ZEB2: variants seen among roughly 807,000 people sequenced by gnomAD.
ZEB2 encodes zinc finger E-box binding homeobox 2.
In ZEB2, 6 loss-of-function variants were observed where a neutral mutation model predicts 99.9. The observed-to-expected ratio is 0.06, with a 90% CI of 0.03 to 0.12. The LOEUF (loss-of-function observed/expected upper bound fraction) is 0.12. Among genes scored for constraint, ZEB2 ranks in the 10% least tolerant of loss-of-function variants. The pLI, the probability that ZEB2 is intolerant of heterozygous loss-of-function variation, is 1.00. For synonymous variants in ZEB2, 517 were observed against 542.5 expected (o/e 0.95, Z 0.65); for missense variants, 969 against 1,502.8 (o/e 0.64, Z 5.87).
intron 2 of ZEB2, chr2:144,516,340 G>C (rs1316893283): frequency 5.3e-5 from 8 of 150,922 alleles, no homozygotes; most frequent in African/African-American, 2.0e-4. Context: ...TAATACCTAG[G>C]GGGTCTCTCT....
At chr2:144,495,006 A>G (rs1704740041) in intron 2 of ZEB2, 1 of 152,208 alleles carries the variant, frequency 6.6e-6, no homozygotes, top group Non-Finnish European at 1.5e-5. Flanking sequence ...ACACACACAT[A>G]TACTATCTCT....
intron 2 of ZEB2, chr2:144,511,443 G>T (rs927703344): frequency 8.8e-6 from 11 of 1,249,308 alleles, no homozygotes; most frequent in Admixed American, 2.9e-5. Flanking sequence ...TTTCCTGAGA[G>T]ATTTCACTCT....
At position 144,429,959 on chromosome 2, in the gene ZEB2, A is replaced by G. The variant is rs1250280865; in HGVS notation, c.141T>C (p.Ala47=). 3.1e-6 allele frequency: 5 copies of G among 1,613,800 alleles called. No individual in the cohort carries two copies. In the African/African-American group the frequency reaches 5.3e-5, roughly 17 times the overall value. The change falls in exon 3 of 10, where the codon GCT becomes GCC. Residue 47 remains alanine (A), a synonymous_variant. Transcript: ENST00000627532. The part of the protein sequence containing the change: ...ETDEEDKLHI[A]EDDGIANPLD... ...GAGGGTTGGCAATACCGTCATCCTCAGCAATATGAAGCTTGTCTTCCTCAT... is the reference window on the plus strand; with the variant it reads ...GAGGGTTGGCAATACCGTCATCCTCGGCAATATGAAGCTTGTCTTCCTCAT...
intron 4 of ZEB2, among the ~76,000 whole-genome samples, chr2:144,422,428 AT>A (rs1323606188): frequency 6.6e-6 from 1 of 152,190 alleles, no homozygotes; most frequent in Non-Finnish European, 1.5e-5. Flanking sequence ...TTGAAAATGT[AT>A]TTAGTTCGAA....
intron 2 of ZEB2, among the ~76,000 whole-genome samples, chr2:144,468,235 G>T (rs1029749116): frequency 1.3e-5 from 2 of 152,122 alleles, no homozygotes; most frequent in Non-Finnish European, 2.9e-5. Context: ...CATTTATAGA[G>T]GTAATGACAC....
chr2:144,426,331 C>T (rs770265452), intron 3 of ZEB2, among the ~76,000 whole-genome samples: 6 of 152,088 alleles, frequency 3.9e-5, no homozygotes, highest in Non-Finnish European at 7.4e-5. Flanking sequence ...TCAGTCTCTG[C>T]AAGGAATCAT....
chr2:144,413,391 G>A (rs186944887), intron 4 of ZEB2, among the ~76,000 whole-genome samples: 12 of 152,230 alleles, frequency 7.9e-5, no homozygotes, highest in African/African-American at 2.2e-4. Context: ...GCTCCTAATC[G>A]CAAACAAAGC....
intron 9 of ZEB2, among the ~76,000 whole-genome samples, chr2:144,392,079 G>A (rs867243764): frequency 1.3e-5 from 2 of 152,282 alleles, no homozygotes; most frequent in Middle Eastern, 3.4e-3. Context: ...TAAGTAGGAC[G>A]CATGCAGCAG....
chr2:144,473,390 T>C (rs1004906405), intron 2 of ZEB2, among the ~76,000 whole-genome samples: 7 of 152,170 alleles, frequency 4.6e-5, no homozygotes, highest in African/African-American at 1.7e-4. Flanking sequence ...AAGAGTGCTA[T>C]GTGGTCCTAA....
intron 2 of ZEB2, among the ~76,000 whole-genome samples, chr2:144,484,219 G>C (rs1704562603): frequency 6.6e-6 from 1 of 151,930 alleles, no homozygotes; most frequent in Non-Finnish European, 1.5e-5. Flanking sequence ...GTGTGAAATA[G>C]CCCAATTTTT....
At chr2:144,422,210 C>A (rs575929512) in intron 4 of ZEB2, among the ~76,000 whole-genome samples, 1 of 152,252 alleles carries the variant, frequency 6.6e-6, no homozygotes, top group South Asian at 2.1e-4. Flanking sequence ...ATAACATGAC[C>A]CAGACTCTTC....
chr2:144,422,324 T>A (rs1295077775), intron 4 of ZEB2, among the ~76,000 whole-genome samples: 1 of 152,232 alleles, frequency 6.6e-6, no homozygotes, highest in Non-Finnish European at 1.5e-5. Flanking sequence ...CAAAACCCTT[T>A]ACTCACTATC....
chr2:144,498,015 A>T (rs1165855538), intron 2 of ZEB2, among the ~76,000 whole-genome samples: 1 of 25,170 alleles, frequency 4.0e-5, no homozygotes, highest in South Asian at 1.5e-3. Context: ...TAATATATTA[A>T]TATTATATAT....
intron 9 of ZEB2, among the ~76,000 whole-genome samples, chr2:144,395,497 T>A (rs778551647): frequency 3.3e-5 from 5 of 151,918 alleles, no homozygotes; most frequent in Non-Finnish European, 7.4e-5. Flanking sequence ...TTGACTGAGA[T>A]CCTACACTTT....
chr2:144,493,614 G>A (rs1704713939), intron 2 of ZEB2, among the ~76,000 whole-genome samples: 1 of 152,302 alleles, frequency 6.6e-6, no homozygotes, highest in East Asian at 1.9e-4. Flanking sequence ...TATTGGAGCA[G>A]GAGTCTGGGT....
At chr2:144,470,405 T>C (rs1172085075) in intron 2 of ZEB2, 1 of 152,124 alleles carries the variant, frequency 6.6e-6, no homozygotes, top group African/African-American at 2.4e-5. Flanking sequence ...ATTAATACTT[T>C]TTTATCAGCT....
chr2:144,473,758 G>A lies in ZEB2; in HGVS notation c.73+43520C>T, dbSNP rs548902596. Among the ~76,000 whole-genome samples the A allele has an allele frequency of 4.6e-5, 7 of 152,192 alleles. No individual in the cohort carries two copies. In the South Asian group the frequency reaches 8.3e-4, roughly 18 times the overall value. On this transcript the variant is annotated intron_variant, in intron 2 of 9. Coordinates refer to ENST00000627532, the MANE Select transcript of ZEB2 (RefSeq NM_014795.4). ...TAGCGTGGAGGAGAGTGAAGTGGCC[G>A]AAGAAAATACTTCAGGCTAAGTCAT...
intron 2 of ZEB2, among the ~76,000 whole-genome samples, chr2:144,501,168 G>C (rs1375598581): frequency 6.6e-6 from 1 of 152,162 alleles, no homozygotes; most frequent in Non-Finnish European, 1.5e-5. Flanking sequence ...ATTCTCACAT[G>C]AATTAGAGCC....
At position 144,415,766 on chromosome 2, in the gene ZEB2, C is replaced by A. The variant is rs548437211; in HGVS notation, c.403+9030G>T. On this transcript the variant is annotated intron_variant, in intron 4 of 9. Coordinates refer to ENST00000627532, the MANE Select transcript of ZEB2 (RefSeq NM_014795.4). ...ATTAACACTGTATAAACCACTGCATCCTCTGAGAGGGATTATGGAGAAGAG... is the reference window on the plus strand; with the variant it reads ...ATTAACACTGTATAAACCACTGCATACTCTGAGAGGGATTATGGAGAAGAG... Among the ~76,000 whole-genome samples, 79 of 152,336 alleles carry A rather than the reference C, an allele frequency of 5.2e-4. 3 individuals carry two copies. The South Asian group carries it at 0.016, about 31-fold the overall frequency.
Sources: allele counts gnomAD v4.1 joint callset (sites outside exome capture counted in the v4.1 genomes callset), GRCh38; gene constraint gnomAD v4.1.1; transcripts MANE v1.5; gene names NCBI Gene and HGNC (gene_info 2026-07-23, HGNC 2026-07-21).